CNTNAP2: variants seen among roughly 807,000 people sequenced by gnomAD.
CNTNAP2 encodes contactin associated protein 2, also known as contactin-associated protein-like 2.
A neutral mutation model predicts 155.2 loss-of-function variants in CNTNAP2; 98 were observed. That is an observed-to-expected ratio of 0.63 (90% CI 0.54 to 0.75). The LOEUF (loss-of-function observed/expected upper bound fraction) is 0.75. CNTNAP2 is among the 30% of genes least tolerant of loss of function. CNTNAP2 has a pLI of 0.00. For synonymous variants in CNTNAP2, 651 were observed against 631.2 expected, an observed-to-expected ratio of 1.03 and a Z score of -0.47; for missense variants, 1,727 against 1,688.1, an observed-to-expected ratio of 1.02 and a Z score of -0.40.
intron 1 of CNTNAP2, among the ~76,000 whole-genome samples, chr7:146,667,014 T>C (rs1283310201): frequency 6.6e-6 from 1 of 152,130 alleles, no homozygotes; most frequent in Non-Finnish European, 1.5e-5. Flanking sequence ...TTTTTGCTTT[T>C]GTTGTTGTAC....
chr7:146,875,457 C>T (rs2129208082), intron 3 of CNTNAP2, among the ~76,000 whole-genome samples: 1 of 152,242 alleles, frequency 6.6e-6, no homozygotes, highest in African/African-American at 2.4e-5. Flanking sequence ...CTTTCTCTGA[C>T]TCTTTGAGAT....
intron 1 of CNTNAP2, among the ~76,000 whole-genome samples, chr7:146,622,743 G>T (rs867250213): frequency 4.7e-4 from 71 of 152,054 alleles, no homozygotes; most frequent in African/African-American, 1.7e-3. Flanking sequence ...GATCACCTGA[G>T]GTCAGGAGTT....
chr7:147,393,203 T>C (rs887546504), intron 9 of CNTNAP2, among the ~76,000 whole-genome samples: 1 of 152,102 alleles, frequency 6.6e-6, no homozygotes, highest in African/African-American at 2.4e-5. Context: ...TTAATGAATA[T>C]GTAGTATTTT....
chr7:148,288,178 C>T (rs1797121875), intron 21 of CNTNAP2, among the ~76,000 whole-genome samples: 1 of 151,300 alleles, frequency 6.6e-6, no homozygotes, highest in Non-Finnish European at 1.5e-5. Context: ...TGGCTCACTG[C>T]AAGCTCCGCC....
intron 1 of CNTNAP2, among the ~76,000 whole-genome samples, chr7:146,305,092 C>G (rs537733815): frequency 6.6e-6 from 1 of 152,128 alleles, no homozygotes; most frequent in Non-Finnish European, 1.5e-5. Flanking sequence ...TGCATCACGT[C>G]GTTCTCATGC....
chr7:146,411,761 A>G (rs1338652656), intron 1 of CNTNAP2, among the ~76,000 whole-genome samples: 1 of 151,846 alleles, frequency 6.6e-6, no homozygotes, highest in Non-Finnish European at 1.5e-5. Flanking sequence ...TTGGCATGGC[A>G]TTTTGTACTG....
At chr7:147,831,060 ATGAGAGTTAATAATCTCC>A (rs1798538116) in intron 13 of CNTNAP2, among the ~76,000 whole-genome samples, 1 of 152,218 alleles carries the variant, frequency 6.6e-6, no homozygotes, top group Non-Finnish European at 1.5e-5. Context: ...CTTATTAAGC[ATGAGAGTTAATAATCTCC>A]TGAGACACAA....
At chr7:146,875,902 A>C in intron 3 of CNTNAP2, among the ~76,000 whole-genome samples, 1 of 131,072 alleles carries the variant, frequency 7.6e-6, no homozygotes, top group East Asian at 2.2e-4. Context: ...ACACATACAC[A>C]CACGCACACA....
chr7:147,857,902 C>A lies in CNTNAP2; in HGVS notation c.2099-45663C>A, dbSNP rs188481717. Among the ~76,000 whole-genome samples the A allele has an allele frequency of 1.7e-4, 26 of 152,276 alleles. No homozygotes were observed. The East Asian group carries it at 5.0e-3, about 29-fold the overall frequency. On this transcript the variant is annotated intron_variant, in intron 13 of 23. Coordinates refer to ENST00000361727, the MANE Select transcript of CNTNAP2 (RefSeq NM_014141.6). ...CCTATTGTTAAAATAGTGTGAGTCA[C>A]AGCAAGAACATGGACAATATCAATT... is the stretch of plus-strand genomic sequence containing the variant.
intron 1 of CNTNAP2, among the ~76,000 whole-genome samples, chr7:146,414,250 G>C (rs1441001702): frequency 6.6e-6 from 1 of 152,212 alleles, no homozygotes; most frequent in African/African-American, 2.4e-5. Context: ...GCTGCTTAAA[G>C]AGTTGGAAGA....
intron 1 of CNTNAP2, among the ~76,000 whole-genome samples, chr7:146,261,700 G>C (rs143472596): frequency 6.6e-6 from 1 of 151,984 alleles, no homozygotes; most frequent in Non-Finnish European, 1.5e-5. Context: ...GTCTGCAAAG[G>C]TTGTAGCTGA....
chr7:147,606,015 G>A (rs1355542044), intron 12 of CNTNAP2, among the ~76,000 whole-genome samples: 13 of 151,862 alleles, frequency 8.6e-5, no homozygotes, highest in South Asian at 4.2e-4. Flanking sequence ...GTCTAACAAC[G>A]GTTCAGGTAA....
At chr7:147,093,240 C>CAAAAAA (rs530286124) in intron 4 of CNTNAP2, among the ~76,000 whole-genome samples, 70 of 52,064 alleles carry the variant, frequency 1.3e-3, no homozygotes, top group Non-Finnish European at 1.8e-3. Flanking sequence ...GACTCCATCT[C>CAAAAAA]AAAAAAAAAA....
At chr7:146,586,152 A>C (rs1266688376) in intron 1 of CNTNAP2, among the ~76,000 whole-genome samples, 3 of 152,212 alleles carry the variant, frequency 2.0e-5, no homozygotes, top group African/African-American at 7.2e-5. Context: ...TAATATTTTA[A>C]AATGTATCTG....
At chr7:148,084,310 C>T (rs1453656131) in intron 15 of CNTNAP2, among the ~76,000 whole-genome samples, 2 of 152,158 alleles carry the variant, frequency 1.3e-5, no homozygotes, top group African/African-American at 4.8e-5. Flanking sequence ...CAGGGCTCTT[C>T]CTCAGTCACA....
chr7:148,030,792 A>G (rs1399360737), intron 15 of CNTNAP2, among the ~76,000 whole-genome samples: 1 of 151,882 alleles, frequency 6.6e-6, no homozygotes, highest in South Asian at 2.1e-4. Flanking sequence ...AGTTAGGGCT[A>G]CAAAATGTGG....
intron 21 of CNTNAP2, among the ~76,000 whole-genome samples, chr7:148,306,020 G>A (rs1393492036): frequency 1.3e-5 from 2 of 152,082 alleles, no homozygotes; most frequent in Admixed American, 6.5e-5. Flanking sequence ...GAATGAACGG[G>A]AATCACATTT....
At chr7:147,127,468 T>C (rs1177087901) in intron 6 of CNTNAP2, among the ~76,000 whole-genome samples, 1 of 152,084 alleles carries the variant, frequency 6.6e-6, no homozygotes, top group African/African-American at 2.4e-5. Flanking sequence ...TAACACTAAA[T>C]CATAGAACAT....
chr7:146,234,597 T>C (rs1799440606), intron 1 of CNTNAP2, among the ~76,000 whole-genome samples: 1 of 151,128 alleles, frequency 6.6e-6, no homozygotes, highest in Admixed American at 6.6e-5. Context: ...TGGTTTTAGG[T>C]CTAACGTTTA....
Sources: gnomAD v4.1 joint callset for allele counts (sites outside exome capture counted in the v4.1 genomes callset) on GRCh38, gnomAD v4.1.1 for gene constraint, MANE v1.5 for transcripts, NCBI Gene and HGNC (gene_info 2026-07-23, HGNC 2026-07-21) for gene names.